The following NKAIN2 variants were observed in gnomAD, a reference collection of about 807,000 sequenced individuals.
NKAIN2 encodes the protein sodium/potassium-transporting ATPase subunit beta-1-interacting protein 2.
NKAIN2 carries 14 observed loss-of-function variants against 32.6 expected under a neutral mutation model. The ratio of observed to expected loss-of-function variants is 0.43; its 90% confidence interval spans 0.28 to 0.67. The LOEUF (loss-of-function observed/expected upper bound fraction) is 0.67, where lower values mean the gene tolerates loss of function less well. NKAIN2 is among the 30% of genes least tolerant of loss of function. The probability of loss-of-function intolerance (pLI) is 0.17; values close to 1 mark genes in which losing one functional copy is unlikely to be tolerated. For missense variants in NKAIN2, 198 were observed against 258.3 expected, an observed-to-expected ratio of 0.77 and a Z score of 1.60; for synonymous variants, 80 against 87.2, an observed-to-expected ratio of 0.92 and a Z score of 0.46.
intron 1 of NKAIN2, among the ~76,000 whole-genome samples, chr6:123,845,168 T>A (rs1775038766): frequency 6.6e-6 from 1 of 152,214 alleles, no homozygotes; most frequent in East Asian, 1.9e-4. Context: ...TGTACTTCTA[T>A]TTGCTGGTAG....
chr6:123,879,521 G>A (rs1202634204), intron 1 of NKAIN2, among the ~76,000 whole-genome samples: 2 of 152,148 alleles, frequency 1.3e-5, no homozygotes, highest in Admixed American at 6.6e-5. Context: ...TATTGACACA[G>A]CTCTGCTCCT....
chr6:124,502,912 T>C (rs900392301), intron 3 of NKAIN2, among the ~76,000 whole-genome samples: 3 of 152,194 alleles, frequency 2.0e-5, no homozygotes, highest in African/African-American at 7.2e-5. Flanking sequence ...ATTTACCTGT[T>C]CCAGAATTGT....
At chr6:124,069,150 A>G (rs145714079) in intron 1 of NKAIN2, among the ~76,000 whole-genome samples, 24 of 152,148 alleles carry the variant, frequency 1.6e-4, no homozygotes, top group African/African-American at 5.8e-4. Context: ...CCAACATATC[A>G]TGTTTCTGTA....
chr6:123,889,218 G>A (rs1773877837), intron 1 of NKAIN2, among the ~76,000 whole-genome samples: 1 of 143,548 alleles, frequency 7.0e-6, no homozygotes, highest in South Asian at 2.1e-4. Flanking sequence ...CATATTATTA[G>A]TTAGACTAAG....
intron 3 of NKAIN2, among the ~76,000 whole-genome samples, chr6:124,549,445 A>T (rs1032624505): frequency 6.6e-6 from 1 of 152,232 alleles, no homozygotes; most frequent in African/African-American, 2.4e-5. Context: ...TCACAGAAAT[A>T]GTACAGAGTT....
chr6:124,802,700 T>C (rs1780315760), intron 5 of NKAIN2, among the ~76,000 whole-genome samples: 1 of 152,214 alleles, frequency 6.6e-6, no homozygotes, highest in Non-Finnish European at 1.5e-5. Context: ...AAGAGGCTTC[T>C]CTAAGATGCC....
At chr6:124,750,963 G>A (rs765421976) in intron 4 of NKAIN2, among the ~76,000 whole-genome samples, 36 of 151,976 alleles carry the variant, frequency 2.4e-4, no homozygotes, top group Non-Finnish European at 4.0e-4. Flanking sequence ...AGGGTTTCTG[G>A]ATAGAGCAAG....
chr6:124,150,627 T>A (rs575059318), intron 1 of NKAIN2, among the ~76,000 whole-genome samples: 27 of 152,272 alleles, frequency 1.8e-4, no homozygotes. Flanking sequence ...TTTTTGCTAT[T>A]ATACTCAATT....
rs9491218 is a variant in NKAIN2, at chr6:124,712,481, G to A, written c.474+54095G>A. ...TAGCAATCAGCGAGACTCCGTGGGCGTAGGACCCTCCAAGCCAGGTGCAGG... is the reference window on the plus strand; with the variant it reads ...TAGCAATCAGCGAGACTCCGTGGGCATAGGACCCTCCAAGCCAGGTGCAGG... On this transcript the variant is annotated intron_variant, in intron 4 of 6. Transcript: ENST00000368417. 2.4e-3 allele frequency among the ~76,000 whole-genome samples: 216 copies of A among 90,970 alleles called. 4 individuals carry two copies. Among genetic ancestry groups the A allele is most frequent in the Middle Eastern group, 5.8e-3 (1 of 172 alleles). The allele number at this position is 90,970 out of a possible 152,430, so 59.7% of individuals were successfully genotyped here. A position where few individuals can be genotyped will look rare whatever the true frequency, so the allele number is the denominator to read the frequency against.
At chr6:123,832,997 T>A (rs544675199) in intron 1 of NKAIN2, among the ~76,000 whole-genome samples, 41 of 152,348 alleles carry the variant, frequency 2.7e-4, no homozygotes, top group African/African-American at 8.7e-4. Context: ...ATGGATCATC[T>A]CTTTGGGGTT....
intron 1 of NKAIN2, among the ~76,000 whole-genome samples, chr6:124,133,480 G>A (rs909800884): frequency 6.6e-5 from 10 of 152,034 alleles, no homozygotes; most frequent in African/African-American, 2.2e-4. Flanking sequence ...CTGGGACCTC[G>A]GCCCACTGTT....
At chr6:123,884,715 A>G (rs912315923) in intron 1 of NKAIN2, among the ~76,000 whole-genome samples, 2 of 152,086 alleles carry the variant, frequency 1.3e-5, no homozygotes, top group Non-Finnish European at 2.9e-5. Flanking sequence ...TACAAACATT[A>G]CAAACACTTC....
intron 1 of NKAIN2, among the ~76,000 whole-genome samples, chr6:124,175,873 T>A (rs567427442): frequency 6.6e-6 from 1 of 152,322 alleles, no homozygotes; most frequent in South Asian, 2.1e-4. Flanking sequence ...GCCCTTTATT[T>A]CTCTCTTTCT....
At chr6:124,812,178 G>A (rs1780932034) in intron 5 of NKAIN2, among the ~76,000 whole-genome samples, 2 of 151,990 alleles carry the variant, frequency 1.3e-5, no homozygotes, top group South Asian at 4.1e-4. Flanking sequence ...TCTTCCTACT[G>A]GTATCCAAAA....
chr6:124,674,860 A>G (rs1015283305), intron 4 of NKAIN2, among the ~76,000 whole-genome samples: 2 of 151,882 alleles, frequency 1.3e-5, no homozygotes, highest in African/African-American at 4.8e-5. Context: ...TCTCTTGCCT[A>G]ATTTATCTTG....
chr6:123,838,871 AT>A (rs528993009), intron 1 of NKAIN2, among the ~76,000 whole-genome samples: 71 of 152,324 alleles, frequency 4.7e-4, no homozygotes, highest in Non-Finnish European at 1.0e-3. Context: ...CTAAGGTTAG[AT>A]TAGAAAATCT....
At chr6:123,959,956 TGTGTGTGTGTG>T (rs1777772947) in intron 1 of NKAIN2, among the ~76,000 whole-genome samples, 1 of 150,582 alleles carries the variant, frequency 6.6e-6, no homozygotes, top group Admixed American at 6.6e-5. Context: ...TGTGTGTGTG[TGTGTGTGTGTG>T]TGTGTAACAC....
Position 123,877,380 on chromosome 6 carries a change from T to C in NKAIN2, c.54+73126T>C, listed in dbSNP as rs577086142. Among the ~76,000 whole-genome samples the C allele has an allele frequency of 2.8e-4, 43 of 152,356 alleles. No individual in the cohort carries two copies. The South Asian group carries it at 8.1e-3, about 29-fold the overall frequency. On this transcript the variant is annotated intron_variant, in intron 1 of 6. Coordinates refer to ENST00000368417, the MANE Select transcript of NKAIN2 (RefSeq NM_001040214.3). ...TGGGGTATTCCTTACCAGATCATAA[T>C]AGCTGAAGCTTTTAATGTATTAATG... is the stretch of plus-strand genomic sequence containing the variant.
intron 3 of NKAIN2, among the ~76,000 whole-genome samples, chr6:124,525,505 A>C (rs1256767214): frequency 6.6e-6 from 1 of 152,174 alleles, no homozygotes; most frequent in Middle Eastern, 3.2e-3. Flanking sequence ...TTCATAAGTC[A>C]TAATAACTTA....
Sources: gnomAD v4.1 joint callset for allele counts (sites outside exome capture counted in the v4.1 genomes callset) on GRCh38, gnomAD v4.1.1 for gene constraint, MANE v1.5 for transcripts, NCBI Gene and HGNC (gene_info 2026-07-23, HGNC 2026-07-21) for gene names.